Variants in NBPF3 observed in about 807,000 individuals in gnomAD.
The protein encoded by NBPF3 is NBPF family member NBPF3.
Under a neutral mutation model 78.1 loss-of-function variants are expected in NBPF3, and 57 were observed. The ratio of observed to expected loss-of-function variants is 0.73; its 90% CI spans 0.59 to 0.91. NBPF3 has a LOEUF of 0.91. NBPF3 is among the 40% of genes least tolerant of loss of function. The pLI, the probability that NBPF3 is intolerant of heterozygous loss-of-function variation, is 0.00. For synonymous variants in NBPF3, 182 were observed against 271.7 expected, an observed-to-expected ratio of 0.67 and a Z score of 3.25; for missense variants, 510 against 715.3, an observed-to-expected ratio of 0.71 and a Z score of 3.27.
intron 3 of NBPF3, among the ~76,000 whole-genome samples, chr1:21,469,761 G>C (rs536158760): frequency 6.6e-6 from 1 of 152,252 alleles, no homozygotes; most frequent in South Asian, 2.1e-4. Context: ...GGGAAGTCCT[G>C]CTTCCTGGGG....
At chr1:21,469,362 C>T (rs971562826) in intron 3 of NBPF3, among the ~76,000 whole-genome samples, 6 of 152,092 alleles carry the variant, frequency 3.9e-5, no homozygotes, top group Non-Finnish European at 5.9e-5. Context: ...ACACAGTACC[C>T]GCTCTGAGGG....
At chr1:21,446,951 G>A (rs371063663) in intron 2 of NBPF3, among the ~76,000 whole-genome samples, 23 of 152,148 alleles carry the variant, frequency 1.5e-4, no homozygotes, top group Admixed American at 7.2e-4. Context: ...CAGGGGCACC[G>A]CAGGGTTAGA....
At chr1:21,450,904 G>A (rs1641271038) in intron 2 of NBPF3, among the ~76,000 whole-genome samples, 1 of 152,206 alleles carries the variant, frequency 6.6e-6, no homozygotes, top group African/African-American at 2.4e-5. Flanking sequence ...AGTTCAAAAT[G>A]AGGGAACATG....
chr1:21,459,317 A>G (rs1641812222), intron 2 of NBPF3, among the ~76,000 whole-genome samples: 1 of 152,266 alleles, frequency 6.6e-6, no homozygotes, highest in African/African-American at 2.4e-5. Context: ...ACCTGATTTA[A>G]AAGCTACAGT....
chr1:21,458,796 G>A (rs2147943912), intron 2 of NBPF3, among the ~76,000 whole-genome samples: 1 of 152,304 alleles, frequency 6.6e-6, no homozygotes, highest in Middle Eastern at 3.4e-3. Flanking sequence ...AGAAACTTTG[G>A]GGCGTAGGGA....
At chr1:21,447,924 A>G (rs894873558) in intron 2 of NBPF3, among the ~76,000 whole-genome samples, 2 of 152,152 alleles carry the variant, frequency 1.3e-5, no homozygotes, top group Non-Finnish European at 2.9e-5. Flanking sequence ...TCTTTTTCAT[A>G]TGCATATTTG....
intron 2 of NBPF3, among the ~76,000 whole-genome samples, chr1:21,461,199 C>A (rs1641928863): frequency 1.3e-5 from 2 of 152,150 alleles, no homozygotes; most frequent in African/African-American, 2.4e-5. Flanking sequence ...CAAGCAACTC[C>A]ATCCGTAGCT....
chr1:21,453,886 C>T (rs1641450246), intron 2 of NBPF3: 1 of 152,176 alleles, frequency 6.6e-6, no homozygotes, highest in Non-Finnish European at 1.5e-5. Flanking sequence ...TGCTGTAAAT[C>T]TTCCTCCAGG....
chr1:21,462,569 T>C (rs1642011538), intron 2 of NBPF3, among the ~76,000 whole-genome samples: 1 of 151,984 alleles, frequency 6.6e-6, no homozygotes, highest in Non-Finnish European at 1.5e-5. Context: ...CCAAAAGCAA[T>C]GGAATAGAAC....
chr1:21,456,140 C>T (rs570817175), intron 2 of NBPF3, among the ~76,000 whole-genome samples: 1 of 152,116 alleles, frequency 6.6e-6, no homozygotes, highest in Non-Finnish European at 1.5e-5. Flanking sequence ...TCCATGAATC[C>T]GTTGTAATAA....
At chr1:21,471,534 T>C (rs1570061209) in intron 4 of NBPF3, 35 bp from the exon 5 acceptor site, 1 of 1,611,702 alleles carries the variant, frequency 6.2e-7, no homozygotes, top group Non-Finnish European at 8.5e-7. Flanking sequence ...CTCATCCCTT[T>C]CCACTGTTAA....
intron 1 of NBPF3, among the ~76,000 whole-genome samples, chr1:21,442,892 G>T (rs1367099904): frequency 6.6e-6 from 1 of 152,102 alleles, no homozygotes; most frequent in Non-Finnish European, 1.5e-5. Context: ...GAACTCTTGG[G>T]CTCAAGTAAT....
chr1:21,474,991 C>T (rs774643149), intron 8 of NBPF3, 40 bp downstream of exon 8: 5 of 1,552,486 alleles, frequency 3.2e-6, no homozygotes, highest in Middle Eastern at 1.7e-4. Context: ...TCAATAGTGG[C>T]AGCTGGAGTT....
intron 2 of NBPF3, chr1:21,446,446 T>TTCCTTCCTTCC (rs1640974685): frequency 9.5e-6 from 1 of 104,744 alleles, no homozygotes; most frequent in African/African-American, 3.5e-5. Context: ...AATTTGTTCA[T>TTCCTTCCTTCC]TTCCTTCCTT....
chr1:21,457,592 T>G (rs1641702859), intron 2 of NBPF3, among the ~76,000 whole-genome samples: 1 of 152,110 alleles, frequency 6.6e-6, no homozygotes, highest in Admixed American at 6.5e-5. Context: ...GCAGTACATA[T>G]CCAAGAGGAT....
At chr1:21,477,017 T>A (rs1337942297) in intron 8 of NBPF3, among the ~76,000 whole-genome samples, 1 of 152,236 alleles carries the variant, frequency 6.6e-6, no homozygotes, top group Non-Finnish European at 1.5e-5. Context: ...TCACTTCATT[T>A]CATTAATTTG....
At chr1:21,443,840 G>T (rs543573482) in intron 1 of NBPF3, among the ~76,000 whole-genome samples, 1 of 152,164 alleles carries the variant, frequency 6.6e-6, no homozygotes, top group Non-Finnish European at 1.5e-5. Context: ...CAAACTCCTG[G>T]GCTGAAATGA....
chr1:21,459,738 T>G, intron 2 of NBPF3: 1 of 359,574 alleles, frequency 2.8e-6, no homozygotes. Flanking sequence ...GACAGCTTCT[T>G]TGCTCATCAG....
intron 2 of NBPF3, among the ~76,000 whole-genome samples, chr1:21,461,474 T>A (rs1339363886): frequency 6.6e-6 from 1 of 152,156 alleles, no homozygotes; most frequent in Non-Finnish European, 1.5e-5. Context: ...AAATGATTCC[T>A]TTTTTTAATT....
Sources: gnomAD v4.1 joint callset for allele counts (sites outside exome capture counted in the v4.1 genomes callset) on GRCh38, gnomAD v4.1.1 for gene constraint, MANE v1.5 for transcripts, NCBI Gene and HGNC (gene_info 2026-07-23, HGNC 2026-07-21) for gene names.